Variants in TEF observed in about 807,000 individuals in gnomAD.
The protein encoded by TEF is thyrotroph embryonic factor.
A neutral mutation model predicts 20.8 loss-of-function variants in TEF; 3 were observed. The observed-to-expected ratio is 0.14, with a 90% CI of 0.07 to 0.37. The LOEUF (loss-of-function observed/expected upper bound fraction) is 0.37. TEF is among the 10% of genes least tolerant of loss of function. The pLI is 1.00. For missense variants in TEF, 296 were observed against 397.9 expected (o/e 0.74, Z 2.18); for synonymous variants, 180 against 171.1 (o/e 1.05, Z -0.41).
chr22:41,367,673 G>C, intron 1 of TEF: 4 of 1,458,990 alleles, frequency 2.7e-6, no homozygotes, highest in Non-Finnish European at 3.7e-6. Context: ...CACAGGCACA[G>C]TGGCAGGACA....
At chr22:41,390,195 A>G (rs2037148931) in intron 2 of TEF, among the ~76,000 whole-genome samples, 1 of 152,224 alleles carries the variant, frequency 6.6e-6, no homozygotes, top group South Asian at 2.1e-4. Context: ...TGGCCCATCT[A>G]CATGTTTTTT....
At chr22:41,369,978 A>T in intron 1 of TEF, 1 of 985,430 alleles carries the variant, frequency 1.0e-6, no homozygotes, top group Non-Finnish European at 1.2e-6. Context: ...CATTTAGGTC[A>T]TGTGCAGAGC....
intron 1 of TEF, among the ~76,000 whole-genome samples, chr22:41,376,477 C>T (rs947132986): frequency 1.3e-5 from 2 of 152,226 alleles, no homozygotes; most frequent in South Asian, 4.1e-4. Context: ...AGCCATCCGC[C>T]TCGGCCTCCC....
Position 41,396,881 on chromosome 22 carries a change from G to A in TEF, c.*921G>A. On this transcript the variant is annotated 3_prime_UTR_variant, in exon 4 of 4. Coordinates refer to ENST00000266304, the MANE Select transcript of TEF (RefSeq NM_003216.4). The stretch of plus-strand genomic sequence containing the variant: ...CTTATCTAGGAGGCTTTAACTTCCT[G>A]GACCCCAGGATTCACCTTCCTAGTG... 2.5e-6 allele frequency: 1 copy of A among 398,466 alleles called. No individual in the cohort carries two copies. The highest frequency in any genetic ancestry group is 4.4e-6 in the Non-Finnish European group (1 of 226,048). 24.7% of individuals were successfully genotyped at this position (398,466 alleles called of 1,614,324 possible). A position where few individuals can be genotyped will look rare whatever the true frequency, so the allele number is the denominator to read the frequency against.
chr22:41,396,030 C>T lies in TEF; in HGVS notation c.*70C>T, dbSNP rs2145994015. The T allele has an allele frequency of 6.6e-7, 1 of 1,516,616 alleles. No individual in the cohort carries two copies. Among genetic ancestry groups the T allele is most frequent in the East Asian group, 2.3e-5 (1 of 43,816 alleles). 93.9% of individuals were successfully genotyped at this position (1,516,616 alleles called of 1,614,324 possible). A position where few individuals can be genotyped will look rare whatever the true frequency, so the allele number is the denominator to read the frequency against. On this transcript the variant is annotated 3_prime_UTR_variant, in exon 4 of 4. Coordinates refer to ENST00000266304, the MANE Select transcript of TEF (RefSeq NM_003216.4). ...TCTGCCTGGGGGCTCCCTGTAACCC[C>T]TCACACGCGTGGAGACTTATGACTC...
intron 1 of TEF, among the ~76,000 whole-genome samples, chr22:41,370,939 TTC>T (rs2036876479): frequency 6.6e-6 from 1 of 152,168 alleles, no homozygotes; most frequent in Non-Finnish European, 1.5e-5. Flanking sequence ...TTCAAACAAT[TTC>T]TCTTTTGGCA....
chr22:41,369,022 T>C (rs2036850768), intron 1 of TEF: 1 of 973,540 alleles, frequency 1.0e-6, no homozygotes, highest in Non-Finnish European at 1.2e-6. Flanking sequence ...GTCCCCTCCT[T>C]GGTCCAGGAA....
intron 1 of TEF, among the ~76,000 whole-genome samples, chr22:41,384,718 A>G (rs939074423): frequency 3.3e-5 from 5 of 152,160 alleles, no homozygotes; most frequent in East Asian, 3.8e-4. Flanking sequence ...CACAGTAACA[A>G]TGATGCCTAC....
chr22:41,372,621 C>T (rs9611566), intron 1 of TEF, among the ~76,000 whole-genome samples: 31,815 of 152,006 alleles, frequency 0.21, 4,517 homozygotes, highest in Admixed American at 0.45. Flanking sequence ...TGTCTCGGGT[C>T]GTAGCTCTTC....
rs1386581771 is a variant in TEF at position 41,395,849 on chromosome 22, C to T, written c.801C>T (p.Phe267=). Residue 267 remains phenylalanine (F), a synonymous_variant, in exon 4 of 4, where the codon TTC becomes TTT. Coordinates refer to ENST00000266304, the MANE Select transcript of TEF (RefSeq NM_003216.4). ...ATCAGATCACCATCCGGGCAGCCTT[C>T]CTGGAGAAGGAGAACACAGCCCTGC... The part of the protein sequence containing the change: ...KENQITIRAA[F]LEKENTALRT... 6.2e-7 allele frequency: 1 copy of T among 1,614,112 alleles called. No homozygotes were observed. Among genetic ancestry groups the T allele is most frequent in the Non-Finnish European group, 8.5e-7 (1 of 1,180,046 alleles).
chr22:41,387,234 A>T, intron 1 of TEF, 117 bp from the exon 2 acceptor site: 2 of 1,108,874 alleles, frequency 1.8e-6, no homozygotes, highest in Non-Finnish European at 2.6e-6. Flanking sequence ...CTTGAAATGC[A>T]TGGGTTGGAA....
chr22:41,389,465 C>G (rs1267702047), intron 2 of TEF, among the ~76,000 whole-genome samples: 1 of 151,132 alleles, frequency 6.6e-6, no homozygotes, highest in Non-Finnish European at 1.5e-5. Context: ...ACTAAAAATA[C>G]AAAAATTAGC....
intron 1 of TEF, among the ~76,000 whole-genome samples, chr22:41,374,924 A>G (rs1447171844): frequency 6.6e-6 from 1 of 152,042 alleles, no homozygotes; most frequent in Non-Finnish European, 1.5e-5. Flanking sequence ...ACTTTTGTTG[A>G]AAAAAATCCA....
At chr22:41,392,882 C>T (rs895896503) in intron 2 of TEF, among the ~76,000 whole-genome samples, 2 of 151,460 alleles carry the variant, frequency 1.3e-5, no homozygotes, top group Non-Finnish European at 2.9e-5. Flanking sequence ...ACTAAAAATA[C>T]AAAAACTAGC....
At chr22:41,379,321 A>G (rs2036984863), upstream of TEF, among the ~76,000 whole-genome samples, 1 of 152,044 alleles carries the variant, frequency 6.6e-6, no homozygotes, top group Non-Finnish European at 1.5e-5. Flanking sequence ...CCTGGGCTAC[A>G]GAGTGAGACT....
In TEF at chr22:41,387,374, C is replaced by G. The variant is rs2145983353; in HGVS notation, c.181C>G (p.Leu61Val). The G allele has an allele frequency of 1.9e-6, 3 of 1,614,226 alleles. No homozygotes were observed. The highest frequency in any genetic ancestry group is 1.3e-5 in the African/African-American group (1 of 75,062). The part of the protein sequence containing the change: ...RLDKEKGKEK[L>V]EEDEAAAAST... ...AGATAAGGAAAAGGGGAAGGAAAAGCTGGAGGAGGACGAGGCCGCAGCCGC... is the reference window on the plus strand; with the variant it reads ...AGATAAGGAAAAGGGGAAGGAAAAGGTGGAGGAGGACGAGGCCGCAGCCGC... The change falls in exon 2 of 4, where the codon CTG becomes GTG. Residue 61 changes from leucine to valine, a missense_variant. This residue lies in a region of TEF where 102 missense variants were observed against 80.1 expected (regional missense o/e 1.27). Transcript: ENST00000266304.
chr22:41,370,772 C>T (rs948696768), intron 1 of TEF, among the ~76,000 whole-genome samples: 1 of 152,164 alleles, frequency 6.6e-6, no homozygotes, highest in Non-Finnish European at 1.5e-5. Flanking sequence ...CCCTCTCCCT[C>T]GTGCTGCCCC....
intron 1 of TEF, among the ~76,000 whole-genome samples, chr22:41,372,505 C>T (rs189930617): frequency 1.6e-4 from 25 of 152,234 alleles, no homozygotes; most frequent in African/African-American, 2.4e-4. Context: ...AGGACATCGA[C>T]GCTCAGAGAG....
chr22:41,387,373 G>C lies in TEF; in HGVS notation c.180G>C (p.Lys60Asn). Reference protein sequence around the residue: ...ARLDKEKGKEKLEEDEAAAAS... With the variant: ...ARLDKEKGKENLEEDEAAAAS... ...CAGATAAGGAAAAGGGGAAGGAAAA[G>C]CTGGAGGAGGACGAGGCCGCAGCCG... The change falls in exon 2 of 4, where the codon AAG (lysine) becomes AAC (asparagine). Residue 60 changes from lysine (K) to asparagine (N), a missense_variant. Lys to Asn is a moderately conservative substitution (Grantham distance 94, BLOSUM62 0). Around this residue, in one of 2 missense-constraint regions of TEF, gnomAD observed 102 missense variants for 80.1 expected, o/e 1.27. Transcript: ENST00000266304. 1 of 1,614,226 alleles carries C rather than the reference G, an allele frequency of 6.2e-7. No individual in the cohort carries two copies. The highest frequency in any genetic ancestry group is 8.5e-7 in the Non-Finnish European group (1 of 1,180,040).
Sources: allele counts gnomAD v4.1 joint callset (sites outside exome capture counted in the v4.1 genomes callset), GRCh38; gene constraint gnomAD v4.1.1; regional missense constraint gnomAD v4.1.1; transcripts MANE v1.5; gene names NCBI Gene and HGNC (gene_info 2026-07-23, HGNC 2026-07-21).